EXOC4: variants seen among roughly 807,000 people sequenced by gnomAD.
EXOC4 encodes exocyst complex component 4, also known as SEC8-like 1.
EXOC4 carries 71 observed loss-of-function variants against 107.2 expected under a neutral mutation model. The observed-to-expected ratio is 0.66, with a 90% CI of 0.55 to 0.81. EXOC4 has a LOEUF of 0.81. Among genes scored for constraint, EXOC4 ranks in the 30% least tolerant of loss-of-function variants. EXOC4 has a pLI of 0.00. For missense variants in EXOC4, 1,108 were observed against 1,189.6 expected (o/e 0.93, Z 1.01); for synonymous variants, 456 against 441.2 (o/e 1.03, Z -0.42).
At chr7:133,654,480 T>C (rs945000959) in intron 10 of EXOC4, among the ~76,000 whole-genome samples, 1 of 152,120 alleles carries the variant, frequency 6.6e-6, no homozygotes, top group African/African-American at 2.4e-5. Flanking sequence ...TTGGTACAGG[T>C]GGTGGTTGTA....
intron 7 of EXOC4, among the ~76,000 whole-genome samples, chr7:133,431,778 T>C (rs1472305172): frequency 3.3e-5 from 5 of 152,208 alleles, no homozygotes; most frequent in Non-Finnish European, 7.3e-5. Flanking sequence ...TTGAGAATCA[T>C]TGTGCAAAAG....
chr7:134,001,522 GA>G (rs1385721995), intron 15 of EXOC4, among the ~76,000 whole-genome samples: 1 of 151,608 alleles, frequency 6.6e-6, no homozygotes, highest in Non-Finnish European at 1.5e-5. Flanking sequence ...ATACCTTAAA[GA>G]AAGGTTATAT....
intron 11 of EXOC4, among the ~76,000 whole-genome samples, chr7:133,822,428 C>T (rs1414738992): frequency 6.6e-6 from 1 of 151,908 alleles, no homozygotes; most frequent in Non-Finnish European, 1.5e-5. Context: ...TGACCCCTTA[C>T]CCATCAAATT....
chr7:133,505,113 G>T (rs957695164), intron 9 of EXOC4, among the ~76,000 whole-genome samples: 2 of 152,156 alleles, frequency 1.3e-5, no homozygotes, highest in Non-Finnish European at 2.9e-5. Context: ...ATAAGGAAAA[G>T]GCTACTAGTT....
intron 10 of EXOC4, among the ~76,000 whole-genome samples, chr7:133,703,222 G>A (rs527808682): frequency 6.6e-6 from 1 of 152,288 alleles, no homozygotes; most frequent in South Asian, 2.1e-4. Flanking sequence ...TGTTCTAGGT[G>A]TTGGCAACAG....
In EXOC4 at chr7:133,297,240, TAAATG is replaced by T. The variant is rs1460224578; in HGVS notation, c.471+8126_471+8130del. Among the ~76,000 whole-genome samples the T allele has an allele frequency of 2.0e-5, 3 of 152,332 alleles. No individual in the cohort carries two copies. In the East Asian group the frequency reaches 5.8e-4, roughly 29 times the overall value. On this transcript the variant is annotated intron_variant, in intron 3 of 17. Coordinates refer to ENST00000253861, the MANE Select transcript of EXOC4 (RefSeq NM_021807.4). ...TATTTGGTCAAATCGGTTTAGTAGT[TAAATG>T]AGATGATTTAGTAGTTAACTCACTT...
At chr7:133,714,537 AG>A (rs1191917120) in intron 10 of EXOC4, among the ~76,000 whole-genome samples, 11 of 152,230 alleles carry the variant, frequency 7.2e-5, no homozygotes, top group Non-Finnish European at 1.2e-4. Flanking sequence ...ATATAATAAA[AG>A]TAACAATTGG....
chr7:133,973,013 A>G (rs1801277541), intron 14 of EXOC4, among the ~76,000 whole-genome samples: 1 of 152,204 alleles, frequency 6.6e-6, no homozygotes, highest in South Asian at 2.1e-4. Context: ...ACAGAAATTA[A>G]ATCAGTGGTG....
At chr7:133,965,503 G>T (rs1023684606) in intron 14 of EXOC4, among the ~76,000 whole-genome samples, 2 of 152,114 alleles carry the variant, frequency 1.3e-5, no homozygotes, top group East Asian at 1.9e-4. Flanking sequence ...CTTAATTTTT[G>T]TATAAGGTGT....
rs376074398 is a variant in EXOC4 at position 133,817,589 on chromosome 7, T to C, written c.1734+45T>C. ...TTACTATTTTTATCAGCAATTTTCA[T>C]TGACTTGGCAAGTGTCATAAATTTA... On this transcript the variant is annotated intron_variant, in intron 11 of 17. Coordinates refer to ENST00000253861, the MANE Select transcript of EXOC4 (RefSeq NM_021807.4). The C allele has an allele frequency of 2.9e-6, 4 of 1,391,876 alleles. No homozygotes were observed. The African/African-American group carries it at 5.7e-5, about 20-fold the overall frequency. The allele number at this position is 1,391,876 out of a possible 1,614,324, so 86.2% of individuals were successfully genotyped here.
intron 5 of EXOC4, among the ~76,000 whole-genome samples, chr7:133,350,766 GC>G (rs1189871289): frequency 1.3e-5 from 2 of 152,044 alleles, no homozygotes; most frequent in Middle Eastern, 3.4e-3. Context: ...TTTGTAAACT[GC>G]TTTAGGTATA....
intron 17 of EXOC4, among the ~76,000 whole-genome samples, chr7:134,023,994 A>G (rs1795081236): frequency 6.6e-6 from 1 of 152,216 alleles, no homozygotes; most frequent in African/African-American, 2.4e-5. Flanking sequence ...GAGACCTGGC[A>G]TGGCAGCAGT....
chr7:133,461,475 A>G lies in EXOC4; in HGVS notation c.1183-13853A>G, dbSNP rs112287848. Reference sequence around the variant, plus strand: ...CAAATATTTTTTTATAAGTGTGACAATATTTACATATTACAGATAAACAAT... The same window carrying G: ...CAAATATTTTTTTATAAGTGTGACAGTATTTACATATTACAGATAAACAAT... On this transcript the variant is annotated intron_variant, in intron 7 of 17. Coordinates refer to ENST00000253861, the MANE Select transcript of EXOC4 (RefSeq NM_021807.4). Among the ~76,000 whole-genome samples, 552 of 152,324 alleles carry G rather than the reference A, an allele frequency of 3.6e-3. 4 individuals carry two copies. The highest frequency in any genetic ancestry group is 0.012 in the African/African-American group (513 of 41,572).
intron 14 of EXOC4, among the ~76,000 whole-genome samples, chr7:133,963,688 C>A (rs1370962834): frequency 6.6e-6 from 1 of 152,190 alleles, no homozygotes; most frequent in Non-Finnish European, 1.5e-5. Flanking sequence ...CAGAGAAGAA[C>A]GTGAAATTGG....
At chr7:133,904,857 A>G (rs542783166) in intron 12 of EXOC4, among the ~76,000 whole-genome samples, 3 of 152,310 alleles carry the variant, frequency 2.0e-5, no homozygotes, top group South Asian at 4.1e-4. Context: ...CTGAAGATGC[A>G]AAGTGTCCTT....
intron 7 of EXOC4, among the ~76,000 whole-genome samples, chr7:133,436,629 A>G (rs926247016): frequency 2.0e-5 from 3 of 152,200 alleles, no homozygotes; most frequent in African/African-American, 7.2e-5. Context: ...AGACAGACCT[A>G]TGAAATAATC....
chr7:133,431,956 A>G (rs1327075936), intron 7 of EXOC4, among the ~76,000 whole-genome samples: 2 of 152,228 alleles, frequency 1.3e-5, no homozygotes, highest in Admixed American at 6.5e-5. Flanking sequence ...ACTTGAAAGT[A>G]CTGAGATTTC....
In EXOC4 at chr7:133,997,483, A is replaced by G. The variant is rs375849303; in HGVS notation, c.2207-9A>G. 3.7e-6 allele frequency: 6 copies of G among 1,613,216 alleles called. No homozygotes were observed. In the African/African-American group the frequency reaches 6.7e-5, roughly 18 times the overall value. On this transcript the variant is annotated splice_polypyrimidine_tract_variant and intron_variant, in intron 14 of 17. Coordinates refer to ENST00000253861, the MANE Select transcript of EXOC4 (RefSeq NM_021807.4). ...ATGAAATGATTGGTGTTTTATCCTT[A>G]CCTTTCAGTGCTTTCTCCTGCTCAA... is the stretch of plus-strand genomic sequence containing the variant.
At chr7:133,746,220 G>GA (rs968759044) in intron 10 of EXOC4, among the ~76,000 whole-genome samples, 91 of 152,176 alleles carry the variant, frequency 6.0e-4, no homozygotes, top group African/African-American at 2.1e-3. Context: ...ATCAGTCTGA[G>GA]AAAATCCTAG....
Sources: allele counts gnomAD v4.1 joint callset (sites outside exome capture counted in the v4.1 genomes callset), GRCh38; gene constraint gnomAD v4.1.1; transcripts MANE v1.5; gene names NCBI Gene and HGNC (gene_info 2026-07-23, HGNC 2026-07-21).